The following ARL6IP5 variants were observed in gnomAD, a reference collection of about 807,000 sequenced individuals.
ARL6IP5 encodes PRA1 family protein 3.
ARL6IP5 carries 6 observed loss-of-function variants against 13.0 expected under a neutral mutation model. That is an observed-to-expected ratio of 0.46 (90% CI 0.25 to 0.91). The LOEUF (loss-of-function observed/expected upper bound fraction) is 0.91. Among genes scored for constraint, ARL6IP5 ranks in the 40% least tolerant of loss-of-function variants. ARL6IP5 has a pLI of 0.17. For synonymous variants in ARL6IP5, 91 were observed against 91.9 expected (o/e 0.99, Z 0.06); for missense variants, 208 against 248.8 (o/e 0.84, Z 1.10).
intron 1 of ARL6IP5, 29 bp from the exon 2 acceptor site, chr3:69,101,810 C>A: frequency 6.3e-7 from 1 of 1,579,170 alleles, no homozygotes; most frequent in Middle Eastern, 1.7e-4. Flanking sequence ...GAACTAGTCA[C>A]CCCTCATTTT....
chr3:69,104,160 T>C (rs895044761), intron 2 of ARL6IP5, among the ~76,000 whole-genome samples: 1 of 152,144 alleles, frequency 6.6e-6, no homozygotes, highest in African/African-American at 2.4e-5. Flanking sequence ...TTTCAGGACA[T>C]TTAAGTAGCA....
intron 1 of ARL6IP5, among the ~76,000 whole-genome samples, chr3:69,089,293 C>G (rs1207353108): frequency 6.6e-6 from 1 of 152,074 alleles, no homozygotes; most frequent in East Asian, 1.9e-4. Flanking sequence ...TGATTATACA[C>G]CCCTAGGAGA....
In ARL6IP5 at chr3:69,104,605, T is replaced by A; in HGVS notation, c.536T>A (p.Leu179His). 1 of 1,613,912 alleles carries A rather than the reference T, an allele frequency of 6.2e-7. No homozygotes were observed. The highest frequency in any genetic ancestry group is 8.5e-7 in the Non-Finnish European group (1 of 1,179,932). Residue 179 changes from leucine (L) to histidine (H), a missense_variant, in exon 3 of 3, where the codon CTC (leucine) becomes CAC (histidine). Coordinates refer to ENST00000273258, the MANE Select transcript of ARL6IP5 (RefSeq NM_006407.4). ...LEQQEEGINR[L>H]TDYISKVKE is the part of the protein sequence containing the mutation. ...CAGCAGGAAGAAGGCATCAACAGAC[T>A]CACTGACTATATCAGCAAAGTGAAG...
rs545300086 is a variant in ARL6IP5, at chr3:69,101,551, G to A, written c.177-288G>A. 8.6e-5 allele frequency among the ~76,000 whole-genome samples: 13 copies of A among 151,888 alleles called. No homozygotes were observed. The South Asian group carries it at 2.7e-3, about 32-fold the overall frequency. ...GCCTGGGTTGGTCTTGAACCCCTGG[G>A]CTCAAGTGATCCTCCCACCTTGGCC... is the stretch of plus-strand genomic sequence containing the variant. On this transcript the variant is annotated intron_variant, in intron 1 of 2. Transcript: ENST00000273258.
intron 2 of ARL6IP5, 44 bp from the exon 3 acceptor site, chr3:69,104,420 G>C (rs148702950): frequency 1.4e-5 from 22 of 1,567,044 alleles, no homozygotes; most frequent in Non-Finnish European, 1.9e-5. Flanking sequence ...TATGGCAAAA[G>C]AGAATTGTTG....
chr3:69,104,516 G>A lies in ARL6IP5; in HGVS notation c.447G>A (p.Glu149=). The stretch of plus-strand genomic sequence containing the variant: ...TTCGGAACCTCAAGAACAAACTGGA[G>A]AATAAAATGGAAGGAATAGGTTTGA... The part of the protein sequence containing the change: ...LRLRNLKNKL[E]NKMEGIGLKR... The change falls in exon 3 of 3, where the codon GAG becomes GAA. Residue 149 remains glutamate, a synonymous_variant. Coordinates refer to ENST00000273258, the MANE Select transcript of ARL6IP5 (RefSeq NM_006407.4). The A allele has an allele frequency of 6.2e-7, 1 of 1,614,040 alleles. No individual in the cohort carries two copies. The highest frequency in any genetic ancestry group is 1.3e-5 in the African/African-American group (1 of 75,014).
intron 1 of ARL6IP5, among the ~76,000 whole-genome samples, chr3:69,091,101 G>A (rs1249445093): frequency 6.6e-6 from 1 of 152,160 alleles, no homozygotes; most frequent in Admixed American, 6.5e-5. Context: ...GGGAGGCTGA[G>A]GTGGGAGGAT....
At chr3:69,097,371 G>A (rs1016174584) in intron 1 of ARL6IP5, among the ~76,000 whole-genome samples, 6 of 147,516 alleles carry the variant, frequency 4.1e-5, no homozygotes, top group African/African-American at 1.3e-4. Flanking sequence ...ATGGGGTTTC[G>A]CCATGTTGCC....
At chr3:69,104,377 C>T in intron 2 of ARL6IP5, 87 bp from the exon 3 acceptor site, 1 of 1,366,902 alleles carries the variant, frequency 7.3e-7, no homozygotes, top group Non-Finnish European at 1.0e-6. Context: ...AGGCAGTTTA[C>T]TAATAGTGTG....
At chr3:69,103,550 A>G (rs2092312728) in intron 2 of ARL6IP5, among the ~76,000 whole-genome samples, 1 of 152,190 alleles carries the variant, frequency 6.6e-6, no homozygotes, top group Admixed American at 6.6e-5. Context: ...CTCGTCAACT[A>G]TTTCTAACGG....
chr3:69,086,395 CAG>C (rs1305833989), intron 1 of ARL6IP5, among the ~76,000 whole-genome samples: 1 of 152,210 alleles, frequency 6.6e-6, no homozygotes, highest in Non-Finnish European at 1.5e-5. Flanking sequence ...ACACACAGCA[CAG>C]AGGAGAGGGG....
At chr3:69,102,355 T>C (rs1454153083) in intron 2 of ARL6IP5, 3 of 374,288 alleles carry the variant, frequency 8.0e-6, no homozygotes, top group Non-Finnish European at 1.5e-5. Flanking sequence ...ACCCACGCTG[T>C]GGTGTTATCT....
chr3:69,104,754 T>C lies in ARL6IP5; in HGVS notation c.*118T>C. 8.8e-7 allele frequency: 1 copy of C among 1,137,884 alleles called. No individual in the cohort carries two copies. The highest frequency in any genetic ancestry group is 2.1e-5 in the Admixed American group (1 of 48,514). The allele number at this position is 1,137,884 out of a possible 1,614,324, so 70.5% of individuals were successfully genotyped here. ...GGTGCACGTACCACCCAATTATCTA[T>C]GGCAGCATGCATGTATAGGCCGAAC... On this transcript the variant is annotated 3_prime_UTR_variant, in exon 3 of 3. Coordinates refer to ENST00000273258, the MANE Select transcript of ARL6IP5 (RefSeq NM_006407.4).
At chr3:69,087,243 C>A (rs2092251425) in intron 1 of ARL6IP5, among the ~76,000 whole-genome samples, 1 of 152,176 alleles carries the variant, frequency 6.6e-6, no homozygotes, top group African/African-American at 2.4e-5. Flanking sequence ...GACTTCTGGG[C>A]TCAAGCCATC....
At chr3:69,097,029 A>AT (rs1440956802) in intron 1 of ARL6IP5, among the ~76,000 whole-genome samples, 3 of 152,150 alleles carry the variant, frequency 2.0e-5, no homozygotes, top group Admixed American at 1.3e-4. Flanking sequence ...TTTAAATACC[A>AT]ATTTTTTTTA....
rs527823743 is a variant in ARL6IP5 at position 69,105,368 on chromosome 3, C to T, written c.*732C>T. ...CTGGACGGACTTATTAAAATACAAA[C>T]AGACAAAAAATAAAACAAAACTTGA... is the stretch of plus-strand genomic sequence containing the variant. On this transcript the variant is annotated 3_prime_UTR_variant, in exon 3 of 3. Coordinates refer to ENST00000273258, the MANE Select transcript of ARL6IP5 (RefSeq NM_006407.4). 1 of 152,360 alleles carries T rather than the reference C, an allele frequency of 6.6e-6. No homozygotes were observed. The highest frequency in any genetic ancestry group is 2.1e-4 in the South Asian group (1 of 4,830). 9.4% of individuals were successfully genotyped at this position (152,360 alleles called of 1,614,324 possible). A position where few individuals can be genotyped will look rare whatever the true frequency, so the allele number is the denominator to read the frequency against.
intron 1 of ARL6IP5, chr3:69,089,859 G>A: frequency 2.2e-6 from 1 of 456,646 alleles, no homozygotes; most frequent in Non-Finnish European, 4.4e-6. Context: ...TTTCTCAGCT[G>A]AAGTAACTCC....
At chr3:69,102,136 C>G in intron 2 of ARL6IP5, 80 bp downstream of exon 2, 1 of 1,460,770 alleles carries the variant, frequency 6.8e-7, no homozygotes, top group Non-Finnish European at 9.5e-7. Context: ...TAACCCATTT[C>G]TTATATGTGT....
intron 1 of ARL6IP5, among the ~76,000 whole-genome samples, chr3:69,088,314 T>A (rs1308728373): frequency 6.6e-6 from 1 of 152,198 alleles, no homozygotes; most frequent in Non-Finnish European, 1.5e-5. Flanking sequence ...CTCCACAGAC[T>A]TCTCTCTAGT....
Sources: gnomAD v4.1 joint callset for allele counts (sites outside exome capture counted in the v4.1 genomes callset) on GRCh38, gnomAD v4.1.1 for gene constraint, MANE v1.5 for transcripts, NCBI Gene and HGNC (gene_info 2026-07-23, HGNC 2026-07-21) for gene names.